The following TULP4 variants were observed in gnomAD, a reference collection of about 807,000 sequenced individuals.
The protein encoded by TULP4 is tubby-related protein 4.
Under a neutral mutation model 129.0 loss-of-function variants are expected in TULP4, and 16 were observed. The ratio of observed to expected loss-of-function variants is 0.12; its 90% CI spans 0.08 to 0.19. TULP4 has a LOEUF of 0.19. TULP4 is among the 10% of genes least tolerant of loss of function. The pLI is 1.00. For missense variants in TULP4, 1,842 were observed against 2,059.1 expected (o/e 0.89, Z 2.04); for synonymous variants, 998 against 854.0 (o/e 1.17, Z -2.94).
At chr6:158,365,515 T>C (rs536098868) in intron 1 of TULP4, among the ~76,000 whole-genome samples, 71 of 151,358 alleles carry the variant, frequency 4.7e-4, no homozygotes, top group South Asian at 6.3e-4. Flanking sequence ...CTTGCTCTGT[T>C]GCCCAGGCTG....
chr6:158,491,290 T>C (rs1780192121), intron 9 of TULP4, among the ~76,000 whole-genome samples: 1 of 152,232 alleles, frequency 6.6e-6, no homozygotes, highest in African/African-American at 2.4e-5. Flanking sequence ...CTGCTTCGTT[T>C]GCATGTTTCT....
chr6:158,256,105 G>T (rs1223943540), intron 1 of TULP4, among the ~76,000 whole-genome samples: 29 of 152,168 alleles, frequency 1.9e-4, no homozygotes, highest in Non-Finnish European at 2.9e-5. Flanking sequence ...TCCTCCTGAA[G>T]AACACCTTGG....
intron 1 of TULP4, among the ~76,000 whole-genome samples, chr6:158,288,624 C>T (rs975288756): frequency 1.3e-5 from 2 of 152,000 alleles, no homozygotes; most frequent in South Asian, 2.1e-4. Flanking sequence ...CCTCAGACTC[C>T]GGAGTAGCTG....
chr6:158,425,131 G>A (rs756146957), intron 2 of TULP4, among the ~76,000 whole-genome samples: 43 of 127,856 alleles, frequency 3.4e-4, no homozygotes, highest in Non-Finnish European at 3.4e-4. Context: ...TCCAGCCTGG[G>A]TGGCAGAGTG....
In TULP4 at chr6:158,492,187, T is replaced by C. The variant is rs1583937251; in HGVS notation, c.1632-1386T>C. On this transcript the variant is annotated intron_variant, in intron 9 of 13. Coordinates refer to ENST00000367097, the MANE Select transcript of TULP4 (RefSeq NM_020245.5). ...GTTCTTTCTTCTAGATTTGAATCCT[T>C]TGTCAGATATCTGTATGGCCATATA... Among the ~76,000 whole-genome samples the C allele has an allele frequency of 2.0e-5, 3 of 152,296 alleles. No homozygotes were observed. The Middle Eastern group carries it at 0.01, about 518-fold the overall frequency.
chr6:158,293,663 G>GT (rs772752143), intron 1 of TULP4, among the ~76,000 whole-genome samples: 12 of 152,184 alleles, frequency 7.9e-5, no homozygotes, highest in Non-Finnish European at 1.6e-4. Flanking sequence ...CTCCACCTCT[G>GT]TAAGTTACAA....
chr6:158,473,318 A>G (rs1179083319), intron 6 of TULP4, among the ~76,000 whole-genome samples: 2 of 152,174 alleles, frequency 1.3e-5, no homozygotes, highest in Non-Finnish European at 2.9e-5. Flanking sequence ...TAGATGAGAA[A>G]GTCCTTCATG....
chr6:158,359,004 T>G (rs1051314619), intron 1 of TULP4, among the ~76,000 whole-genome samples: 16 of 152,176 alleles, frequency 1.1e-4, no homozygotes, highest in African/African-American at 3.9e-4. Context: ...TGGGCAGTGG[T>G]CAGCCATGTA....
intron 6 of TULP4, among the ~76,000 whole-genome samples, chr6:158,473,293 A>AT (rs1378221454): frequency 6.6e-6 from 1 of 151,928 alleles, no homozygotes; most frequent in African/African-American, 2.4e-5. Context: ...TGCTTTTCCC[A>AT]TTTTTTCTTG....
chr6:158,355,210 T>C (rs1202875778), intron 1 of TULP4, among the ~76,000 whole-genome samples: 2 of 152,094 alleles, frequency 1.3e-5, no homozygotes, highest in East Asian at 3.9e-4. Flanking sequence ...TAGCTGGGAC[T>C]ACAGGAATGT....
Position 158,313,523 on chromosome 6 carries a change from C to G in TULP4, c.-494C>G. 3 of 402,090 alleles carry G rather than the reference C, an allele frequency of 7.5e-6. No homozygotes were observed. Among genetic ancestry groups the G allele is most frequent in the Non-Finnish European group, 1.3e-5 (3 of 228,300 alleles). 24.9% of individuals were successfully genotyped at this position (402,090 alleles called of 1,614,324 possible). On this transcript the variant is annotated 5_prime_UTR_variant, in exon 1 of 14. Transcript: ENST00000367097. ...TGTGTATTCTGTCTCTGCATCCGAA[C>G]TTTTGAAGAGAAAAATTCGAGCTAG...
rs1269234699 is a variant in TULP4, at chr6:158,239,612, G to A, written n.68+7309G>A. 9.6e-5 allele frequency among the ~76,000 whole-genome samples: 6 copies of A among 62,674 alleles called. 1 individual carries two copies. The highest frequency in any genetic ancestry group is 1.6e-4 in the African/African-American group (3 of 18,668). 41.1% of individuals were successfully genotyped at this position (62,674 alleles called of 152,430 possible). A position where few individuals can be genotyped will look rare whatever the true frequency, so the allele number is the denominator to read the frequency against. ...GGCTGACCCCCCCCACCTCCCTCCC[G>A]GACGGGGCGGCTGGCCGGGTGGGGG... On this transcript the variant is annotated intron_variant and non_coding_transcript_variant, in intron 1 of 1. Transcript: ENST00000620026.
At chr6:158,375,812 G>C (rs921976789) in intron 1 of TULP4, among the ~76,000 whole-genome samples, 2 of 152,218 alleles carry the variant, frequency 1.3e-5, no homozygotes, top group African/African-American at 4.8e-5. Flanking sequence ...CCATGAACAA[G>C]AACCCAGGCT....
chr6:158,295,424 A>C (rs963680200), intron 1 of TULP4, among the ~76,000 whole-genome samples: 2 of 152,328 alleles, frequency 1.3e-5, no homozygotes, highest in African/African-American at 4.8e-5. Context: ...TGTAGTTCAC[A>C]GCTTGTTAAA....
intron 2 of TULP4, among the ~76,000 whole-genome samples, chr6:158,415,378 C>A (rs1244455314): frequency 7.5e-6 from 1 of 133,860 alleles, no homozygotes; most frequent in Non-Finnish European, 1.5e-5. Flanking sequence ...GAGACGGAGT[C>A]ACGCTCTGTC....
intron 1 of TULP4, among the ~76,000 whole-genome samples, chr6:158,330,129 AC>A (rs1188445773): frequency 6.4e-5 from 3 of 46,870 alleles, no homozygotes; most frequent in African/African-American, 1.9e-4. Context: ...TAATTTGATA[AC>A]CGATACTCTT....
At chr6:158,265,896 A>G (rs1778437122) in intron 1 of TULP4, among the ~76,000 whole-genome samples, 1 of 152,220 alleles carries the variant, frequency 6.6e-6, no homozygotes, top group Non-Finnish European at 1.5e-5. Context: ...TCAGGATGCC[A>G]TGAATGGAGA....
intron 1 of TULP4, among the ~76,000 whole-genome samples, chr6:158,351,072 G>T (rs923894839): frequency 6.6e-6 from 1 of 152,156 alleles, no homozygotes; most frequent in Non-Finnish European, 1.5e-5. Flanking sequence ...GTCTTTATCA[G>T]TGGCTGTGTA....
chr6:158,356,528 G>T (rs1265915228), intron 1 of TULP4, among the ~76,000 whole-genome samples: 1 of 152,192 alleles, frequency 6.6e-6, no homozygotes, highest in Non-Finnish European at 1.5e-5. Context: ...GGGTAGGGAA[G>T]ACTGATACTG....
Sources: allele counts gnomAD v4.1 joint callset (sites outside exome capture counted in the v4.1 genomes callset), GRCh38; gene constraint gnomAD v4.1.1; transcripts MANE v1.5; gene names NCBI Gene and HGNC (gene_info 2026-07-23, HGNC 2026-07-21).